The following DKK2 variants were observed in gnomAD, a reference collection of about 807,000 sequenced individuals.
DKK2 encodes the protein dickkopf Wnt signaling pathway inhibitor 2.
A neutral mutation model predicts 28.1 loss-of-function variants in DKK2; 11 were observed. The ratio of observed to expected loss-of-function variants is 0.39; its 90% confidence interval spans 0.25 to 0.65. The LOEUF is 0.65. Among genes scored for constraint, DKK2 ranks in the 30% least tolerant of loss-of-function variants. DKK2 has a pLI of 0.47. For missense variants in DKK2, 326 were observed against 335.5 expected (o/e 0.97, Z 0.22); for synonymous variants, 135 against 126.5 (o/e 1.07, Z -0.45).
At chr4:106,950,119 A>C (rs2110346524) in intron 1 of DKK2, among the ~76,000 whole-genome samples, 1 of 152,284 alleles carries the variant, frequency 6.6e-6, no homozygotes, top group South Asian at 2.1e-4. Context: ...GTTTTGCAAA[A>C]ATGTTTTAGG....
chr4:107,020,198 A>G (rs942160461), intron 1 of DKK2, among the ~76,000 whole-genome samples: 2 of 152,102 alleles, frequency 1.3e-5, no homozygotes, highest in Non-Finnish European at 2.9e-5. Context: ...TTTGTAGTCA[A>G]TCACTGTGAT....
intron 1 of DKK2, among the ~76,000 whole-genome samples, chr4:107,028,184 A>G (rs1406013723): frequency 1.3e-5 from 2 of 152,216 alleles, no homozygotes; most frequent in African/African-American, 4.8e-5. Context: ...TAATGTAAAC[A>G]TTAAATAGTA....
intron 1 of DKK2, among the ~76,000 whole-genome samples, chr4:106,985,300 A>G (rs145805414): frequency 2.0e-5 from 3 of 151,874 alleles, no homozygotes; most frequent in Non-Finnish European, 4.4e-5. Context: ...GAATGTGACT[A>G]TAAGAAGCAG....
chr4:106,930,389 C>T (rs1372323025), intron 1 of DKK2, among the ~76,000 whole-genome samples: 2 of 152,064 alleles, frequency 1.3e-5, no homozygotes, highest in Admixed American at 1.3e-4. Context: ...TTGCCTATCC[C>T]TTTGAACATG....
chr4:106,937,920 C>T (rs1299103757), intron 1 of DKK2, among the ~76,000 whole-genome samples: 14 of 150,718 alleles, frequency 9.3e-5, no homozygotes, highest in South Asian at 6.4e-4. Flanking sequence ...TTGAAACCAA[C>T]GAGAACAAAC....
chr4:106,956,599 A>G (rs939875272), intron 1 of DKK2, among the ~76,000 whole-genome samples: 23 of 152,314 alleles, frequency 1.5e-4, no homozygotes, highest in African/African-American at 4.6e-4. Context: ...ATAACACTGC[A>G]TATCTATAAC....
intron 1 of DKK2, among the ~76,000 whole-genome samples, chr4:106,941,828 A>C (rs1045652237): frequency 6.6e-6 from 1 of 152,188 alleles, no homozygotes; most frequent in African/African-American, 2.4e-5. Context: ...AAGCCCCAGC[A>C]TGGAGGGAAT....
At chr4:107,011,712 T>TGG (rs1553924207) in intron 1 of DKK2, among the ~76,000 whole-genome samples, 86 of 151,262 alleles carry the variant, frequency 5.7e-4, no homozygotes, top group Non-Finnish European at 7.4e-5. Flanking sequence ...TGTGTGTGTG[T>TGG]GGGTGTGTAT....
chr4:106,943,125 T>A (rs1454470602), intron 1 of DKK2, among the ~76,000 whole-genome samples: 1 of 152,160 alleles, frequency 6.6e-6, no homozygotes, highest in Non-Finnish European at 1.5e-5. Flanking sequence ...TTATATCAAC[T>A]GACTTCACTT....
chr4:106,941,687 G>A (rs776203130), intron 1 of DKK2, among the ~76,000 whole-genome samples: 23 of 152,054 alleles, frequency 1.5e-4, no homozygotes, highest in Non-Finnish European at 3.2e-4. Flanking sequence ...TTTGGGCAGC[G>A]TCAGAGTTTC....
intron 1 of DKK2, among the ~76,000 whole-genome samples, chr4:106,965,521 T>A (rs1722763825): frequency 6.6e-6 from 1 of 152,160 alleles, no homozygotes; most frequent in South Asian, 2.1e-4. Flanking sequence ...TATTTCTGTT[T>A]AATTCCAAAG....
chr4:106,926,314 A>G (rs1360644846), intron 1 of DKK2, among the ~76,000 whole-genome samples: 1 of 152,208 alleles, frequency 6.6e-6, no homozygotes, highest in Non-Finnish European at 1.5e-5. Flanking sequence ...TGACACAGCC[A>G]TCTTAGCCAC....
At chr4:107,002,934 A>G (rs553364514) in intron 1 of DKK2, among the ~76,000 whole-genome samples, 1 of 152,312 alleles carries the variant, frequency 6.6e-6, no homozygotes, top group East Asian at 1.9e-4. Flanking sequence ...GATAACATAA[A>G]AAATCCTTAA....
intron 1 of DKK2, among the ~76,000 whole-genome samples, chr4:106,945,675 T>C (rs967796060): frequency 1.3e-5 from 2 of 152,140 alleles, no homozygotes; most frequent in Non-Finnish European, 2.9e-5. Context: ...AGTAGTAATA[T>C]ATACCCATAT....
chr4:106,981,393 T>A (rs1167257306), intron 1 of DKK2, among the ~76,000 whole-genome samples: 1 of 152,154 alleles, frequency 6.6e-6, no homozygotes, highest in Non-Finnish European at 1.5e-5. Flanking sequence ...GATGAAAACA[T>A]TTTCCCCTCT....
chr4:106,956,734 C>T (rs1035570609), intron 1 of DKK2, among the ~76,000 whole-genome samples: 2 of 151,784 alleles, frequency 1.3e-5, no homozygotes, highest in African/African-American at 4.8e-5. Flanking sequence ...TTCCTTACAC[C>T]TTATACAAAA....
intron 1 of DKK2, among the ~76,000 whole-genome samples, chr4:107,026,981 C>A (rs1434419703): frequency 6.6e-6 from 1 of 151,928 alleles, no homozygotes; most frequent in East Asian, 1.9e-4. Flanking sequence ...AGGAAATGCT[C>A]ACATTTATAA....
At chr4:107,026,738 C>A (rs1357780561) in intron 1 of DKK2, among the ~76,000 whole-genome samples, 2 of 151,894 alleles carry the variant, frequency 1.3e-5, no homozygotes, top group African/African-American at 2.4e-5. Flanking sequence ...GATTTTGTTG[C>A]CCGACTCCAG....
intron 1 of DKK2, among the ~76,000 whole-genome samples, chr4:106,946,216 C>A (rs541587724): frequency 1.3e-5 from 2 of 152,066 alleles, no homozygotes; most frequent in South Asian, 4.2e-4. Flanking sequence ...AGAATTCCAT[C>A]TATTGGATAT....
Sources: gnomAD v4.1 joint callset for allele counts (sites outside exome capture counted in the v4.1 genomes callset) on GRCh38, gnomAD v4.1.1 for gene constraint, MANE v1.5 for transcripts, NCBI Gene and HGNC (gene_info 2026-07-23, HGNC 2026-07-21) for gene names.